Variants in OSBPL6 observed in about 807,000 individuals in gnomAD.
The protein encoded by OSBPL6 is oxysterol-binding protein-related protein 6.
OSBPL6 carries 49 observed loss-of-function variants against 125.8 expected under a neutral mutation model. That is an observed-to-expected ratio of 0.39 (90% CI 0.31 to 0.49). OSBPL6 has a LOEUF of 0.49. OSBPL6 is among the 20% of genes least tolerant of loss of function. OSBPL6 has a pLI of 0.88. For missense variants in OSBPL6, 986 were observed against 1,135.4 expected (o/e 0.87, Z 1.89); for synonymous variants, 394 against 391.8 (o/e 1.01, Z -0.07).
chr2:178,243,558 C>T (rs1370992313), intron 1 of OSBPL6, among the ~76,000 whole-genome samples: 5 of 152,134 alleles, frequency 3.3e-5, no homozygotes, highest in Non-Finnish European at 7.3e-5. Context: ...CCTATCCATT[C>T]ATCTCCAAAA....
intron 5 of OSBPL6, among the ~76,000 whole-genome samples, chr2:178,329,396 A>G (rs527515065): frequency 6.6e-6 from 1 of 150,818 alleles, no homozygotes; most frequent in South Asian, 2.1e-4. Flanking sequence ...AGTTTAAACT[A>G]TTATTTTTAT....
chr2:178,358,941 A>G (rs567485840), intron 12 of OSBPL6, among the ~76,000 whole-genome samples: 1 of 152,164 alleles, frequency 6.6e-6, no homozygotes, highest in South Asian at 2.1e-4. Context: ...AAGAAAACGT[A>G]TAACCTTTAC....
At chr2:178,218,584 C>A (rs1384078856) in intron 1 of OSBPL6, among the ~76,000 whole-genome samples, 1 of 151,086 alleles carries the variant, frequency 6.6e-6, no homozygotes, top group Non-Finnish European at 1.5e-5. Context: ...ACTTCTTCCT[C>A]TTTTACTGAC....
rs180895897 is a variant in OSBPL6, at chr2:178,312,000, G to C, written c.102+5714G>C. Reference sequence around the variant, plus strand: ...CGTCAAATTAAATTGAAATTAAATTGAAATGGCGTCTTAGTCTGTCGCCCA... The same window carrying C: ...CGTCAAATTAAATTGAAATTAAATTCAAATGGCGTCTTAGTCTGTCGCCCA... On this transcript the variant is annotated intron_variant, in intron 3 of 24. Coordinates refer to ENST00000190611, the MANE Select transcript of OSBPL6 (RefSeq NM_032523.4). 2.2e-3 allele frequency among the ~76,000 whole-genome samples: 331 copies of C among 152,190 alleles called. 4 individuals are homozygous for C. Among genetic ancestry groups the C allele is most frequent in the African/African-American group, 7.5e-3 (310 of 41,508 alleles).
chr2:178,288,956 G>A (rs77968327), intron 2 of OSBPL6, among the ~76,000 whole-genome samples: 2 of 146,386 alleles, frequency 1.4e-5, no homozygotes, highest in South Asian at 4.4e-4. Flanking sequence ...GGCCAGGGAC[G>A]TTTTTTCTTT....
At chr2:178,255,644 A>G (rs151006278) in intron 1 of OSBPL6, among the ~76,000 whole-genome samples, 33 of 152,354 alleles carry the variant, frequency 2.2e-4, no homozygotes, top group Non-Finnish European at 4.1e-4. Context: ...CTGGTCTTCA[A>G]TTCTTACAGA....
At chr2:178,203,512 C>A (rs1047662765) in intron 1 of OSBPL6, among the ~76,000 whole-genome samples, 2 of 152,288 alleles carry the variant, frequency 1.3e-5, no homozygotes, top group South Asian at 4.2e-4. Flanking sequence ...ATAATTATAA[C>A]TGTTTTTAAT....
At chr2:178,243,838 A>G (rs1259426809) in intron 1 of OSBPL6, among the ~76,000 whole-genome samples, 1 of 152,018 alleles carries the variant, frequency 6.6e-6, no homozygotes, top group Non-Finnish European at 1.5e-5. Flanking sequence ...TTTTTAGTAG[A>G]GATGGGGTTT....
At chr2:178,258,461 A>G (rs1312379679) in intron 1 of OSBPL6, among the ~76,000 whole-genome samples, 1 of 152,194 alleles carries the variant, frequency 6.6e-6, no homozygotes, top group Non-Finnish European at 1.5e-5. Flanking sequence ...ATTAAACAGA[A>G]TACTGTACAC....
At chr2:178,280,419 G>A (rs1457092492) in intron 1 of OSBPL6, among the ~76,000 whole-genome samples, 1 of 152,180 alleles carries the variant, frequency 6.6e-6, no homozygotes, top group Non-Finnish European at 1.5e-5. Flanking sequence ...ACTGAACCAT[G>A]TGTTAATAGT....
At chr2:178,234,109 A>C (rs995756551) in intron 1 of OSBPL6, among the ~76,000 whole-genome samples, 1 of 152,210 alleles carries the variant, frequency 6.6e-6, no homozygotes, top group African/African-American at 2.4e-5. Flanking sequence ...TTTTCATAAC[A>C]GTTCTTAATG....
At chr2:178,272,939 G>A (rs1231838461) in intron 1 of OSBPL6, among the ~76,000 whole-genome samples, 1 of 152,206 alleles carries the variant, frequency 6.6e-6, no homozygotes, top group Non-Finnish European at 1.5e-5. Flanking sequence ...ATCAAGATGG[G>A]CTGAGGAAAT....
intron 1 of OSBPL6, among the ~76,000 whole-genome samples, chr2:178,249,595 C>G (rs1011495510): frequency 6.6e-6 from 1 of 152,064 alleles, no homozygotes; most frequent in African/African-American, 2.4e-5. Flanking sequence ...CTTTTTCTGT[C>G]TATTTGCTTT....
At position 178,387,070 on chromosome 2, in the gene OSBPL6, G is replaced by A. The variant is rs1035677849; in HGVS notation, c.2087G>A (p.Trp696Ter). 1 of 1,605,072 alleles carries A rather than the reference G, an allele frequency of 6.2e-7. No homozygotes were observed. Among genetic ancestry groups the A allele is most frequent in the Non-Finnish European group, 8.5e-7 (1 of 1,172,206 alleles). The stretch of plus-strand genomic sequence containing the variant: ...TCCCTATGTCATTTAGATATCAGAT[G>A]GAAAAACAAGTTCTGGGGGAAGTCG... ...KNFVFWQDIR[W>*]KNKFWGKSME... Residue 696 changes from tryptophan (W) to a stop codon, truncating the protein, a stop_gained, in exon 20 of 25, where the codon TGG (tryptophan) becomes TAG (stop). Transcript: ENST00000190611. LOFTEE classifies it high-confidence loss of function.
chr2:178,291,058 T>C lies in OSBPL6; in HGVS notation c.-156+5937T>C, dbSNP rs187004670. ...GCATGAAAACTACTAATTATTGTTA[T>C]ATTTTTATGTAGAGAAAATCTTACA... On this transcript the variant is annotated intron_variant, in intron 2 of 24. Transcript: ENST00000190611. Among the ~76,000 whole-genome samples, 964 of 152,142 alleles carry C rather than the reference T, an allele frequency of 6.3e-3. 6 individuals are homozygous for C. Among genetic ancestry groups the C allele is most frequent in the Middle Eastern group, 0.014 (4 of 294 alleles).
intron 1 of OSBPL6, among the ~76,000 whole-genome samples, chr2:178,254,536 A>C (rs536323525): frequency 6.6e-6 from 1 of 152,218 alleles, no homozygotes. Flanking sequence ...TAGTATTACA[A>C]TGTTTGAAAT....
intron 2 of OSBPL6, among the ~76,000 whole-genome samples, chr2:178,297,335 C>T (rs932738344): frequency 1.3e-5 from 2 of 152,150 alleles, no homozygotes; most frequent in Non-Finnish European, 2.9e-5. Flanking sequence ...CAGTGGCTCA[C>T]GCCTCTAATC....
rs974319881 is a variant in OSBPL6, at chr2:178,402,660, C to T, written c.*7101C>T. 6 of 152,110 alleles carry T rather than the reference C, an allele frequency of 3.9e-5. No homozygotes were observed. Among genetic ancestry groups the T allele is most frequent in the Admixed American group, 2.6e-4 (4 of 15,274 alleles). The allele number at this position is 152,110 out of a possible 1,614,324, so 9.4% of individuals were successfully genotyped here. A position where few individuals can be genotyped will look rare whatever the true frequency, so the allele number is the denominator to read the frequency against. On this transcript the variant is annotated 3_prime_UTR_variant, in exon 25 of 25. Transcript: ENST00000190611. ...TAGTTATGTACTGTTCGTTTGCATACGGTCATTTTGAGATAGAAAAATTAA... is the reference window on the plus strand; with the variant it reads ...TAGTTATGTACTGTTCGTTTGCATATGGTCATTTTGAGATAGAAAAATTAA...
chr2:178,372,158 G>A lies in OSBPL6; in HGVS notation c.1320G>A (p.Arg440=). 2.5e-6 allele frequency: 4 copies of A among 1,613,070 alleles called. No homozygotes were observed. In the South Asian group the frequency reaches 4.4e-5, roughly 18 times the overall value. Residue 440 remains arginine, a synonymous_variant, in exon 14 of 25, where the codon CGG becomes CGA. Coordinates refer to ENST00000190611, the MANE Select transcript of OSBPL6 (RefSeq NM_032523.4). Reference sequence around the variant, plus strand: ...ACCAGAATGCTGAACTAAGGAGTCGGTTGAACAGAATACATTCAGAGTCTA... The same window carrying A: ...ACCAGAATGCTGAACTAAGGAGTCGATTGAACAGAATACATTCAGAGTCTA... ...ALNQNAELRS[R]LNRIHSESII...
Sources: allele counts gnomAD v4.1 joint callset (sites outside exome capture counted in the v4.1 genomes callset), GRCh38; gene constraint gnomAD v4.1.1; transcripts MANE v1.5; gene names NCBI Gene and HGNC (gene_info 2026-07-23, HGNC 2026-07-21).